Variants in AUTS2 observed in about 807,000 individuals in gnomAD.
AUTS2 encodes activator of transcription and developmental regulator AUTS2, also known as autism susceptibility gene 2 protein.
A neutral mutation model predicts 112.4 loss-of-function variants in AUTS2; 17 were observed. The ratio of observed to expected loss-of-function variants is 0.15; its 90% confidence interval spans 0.10 to 0.23. AUTS2 has a LOEUF of 0.23. AUTS2 is among the 10% of genes least tolerant of loss of function. AUTS2 has a pLI of 1.00. For synonymous variants in AUTS2, 751 were observed against 702.7 expected (o/e 1.07, Z -1.09); for missense variants, 1,510 against 1,701.6 (o/e 0.89, Z 1.98).
chr7:69,750,987 T>C (rs916819531), intron 1 of AUTS2, among the ~76,000 whole-genome samples: 1 of 152,034 alleles, frequency 6.6e-6, no homozygotes, highest in East Asian at 1.9e-4. Context: ...TAAGGAGGGA[T>C]AACAGCAAGC....
chr7:70,160,009 TCTTA>T (rs758539051), intron 4 of AUTS2, among the ~76,000 whole-genome samples: 19 of 152,256 alleles, frequency 1.2e-4, no homozygotes, highest in South Asian at 6.2e-4. Flanking sequence ...GTTTTAGAGC[TCTTA>T]CTTCTAGTTT....
intron 5 of AUTS2, among the ~76,000 whole-genome samples, chr7:70,504,559 G>GACC (rs1357879009): frequency 6.6e-6 from 1 of 150,924 alleles, no homozygotes; most frequent in Non-Finnish European, 1.5e-5. Flanking sequence ...GAAGGAAGGG[G>GACC]ACCGGCACCG....
rs200373158 is a variant in AUTS2, at chr7:69,670,555, C to CAAAAAAAAAAAAAA, written c.309+70616_309+70629dup. 5.0e-5 allele frequency among the ~76,000 whole-genome samples: 6 copies of CAAAAAAAAAAAAAA among 119,068 alleles called. 2 individuals are homozygous for CAAAAAAAAAAAAAA. The highest frequency in any genetic ancestry group is 2.0e-4 in the African/African-American group (6 of 30,024). 78.1% of individuals were successfully genotyped at this position (119,068 alleles called of 152,430 possible). A position where few individuals can be genotyped will look rare whatever the true frequency, so the allele number is the denominator to read the frequency against. On this transcript the variant is annotated intron_variant, in intron 1 of 18. Coordinates refer to ENST00000342771, the MANE Select transcript of AUTS2 (RefSeq NM_015570.4). ...CATGGTTGTTTTTTACTTGATCCCT[C>CAAAAAAAAAAAAAA]AAAAAAAAAAAAAAAAAAAAAAAAA...
chr7:70,542,567 A>G lies in AUTS2; in HGVS notation c.690+106786A>G, dbSNP rs576893527. On this transcript the variant is annotated intron_variant, in intron 5 of 18. Coordinates refer to ENST00000342771, the MANE Select transcript of AUTS2 (RefSeq NM_015570.4). ...CCAGGCACTGGCGCAGGCCAGCTAC[A>G]TGGCATTTCATCTCCTTAGCAGGCC... Among the ~76,000 whole-genome samples, 21 of 152,374 alleles carry G rather than the reference A, an allele frequency of 1.4e-4. No homozygotes were observed. The South Asian group carries it at 3.5e-3, about 26-fold the overall frequency.
intron 2 of AUTS2, among the ~76,000 whole-genome samples, chr7:70,064,435 A>G (rs1802395568): frequency 6.6e-6 from 1 of 152,224 alleles, no homozygotes; most frequent in Non-Finnish European, 1.5e-5. Context: ...AGTAGATAGT[A>G]TACAATGGCT....
chr7:70,436,607 T>G (rs1430683018), intron 5 of AUTS2: 1 of 152,276 alleles, frequency 6.6e-6, no homozygotes, highest in Non-Finnish European at 1.5e-5. Context: ...TCTGTATTGC[T>G]TGGTATCAAA....
intron 2 of AUTS2, among the ~76,000 whole-genome samples, chr7:70,069,744 A>G (rs1339050366): frequency 6.7e-6 from 1 of 149,664 alleles, no homozygotes; most frequent in Non-Finnish European, 1.5e-5. Context: ...CACCTTATTA[A>G]TGACTTGATT....
At chr7:70,606,583 A>G (rs1204416523) in intron 5 of AUTS2, among the ~76,000 whole-genome samples, 1 of 152,192 alleles carries the variant, frequency 6.6e-6, no homozygotes. Flanking sequence ...TCTTGGGGCC[A>G]GACGTGGTGG....
At chr7:70,240,998 G>A (rs1317433954) in intron 4 of AUTS2, among the ~76,000 whole-genome samples, 2 of 152,162 alleles carry the variant, frequency 1.3e-5, no homozygotes, top group African/African-American at 2.4e-5. Context: ...TATCTAACAA[G>A]GAACTCCATC....
intron 2 of AUTS2, among the ~76,000 whole-genome samples, chr7:69,958,726 T>A (rs1797314989): frequency 6.6e-6 from 1 of 152,154 alleles, no homozygotes; most frequent in South Asian, 2.1e-4. Flanking sequence ...AAGGCTGGTT[T>A]AACCGACTGC....
chr7:69,745,108 T>C (rs1756427703), intron 1 of AUTS2, among the ~76,000 whole-genome samples: 1 of 152,202 alleles, frequency 6.6e-6, no homozygotes, highest in South Asian at 2.1e-4. Flanking sequence ...CATTTCGCCT[T>C]TGCATTTTGG....
At chr7:70,533,159 G>A (rs1426972745) in intron 5 of AUTS2, among the ~76,000 whole-genome samples, 1 of 152,182 alleles carries the variant, frequency 6.6e-6, no homozygotes, top group Non-Finnish European at 1.5e-5. Flanking sequence ...GTCTCACTCT[G>A]TCACCCAGGC....
At chr7:70,236,570 C>G (rs1313209492) in intron 4 of AUTS2, among the ~76,000 whole-genome samples, 1 of 152,176 alleles carries the variant, frequency 6.6e-6, no homozygotes, top group Admixed American at 6.5e-5. Flanking sequence ...GGAACTAAAG[C>G]CGAAATGGAT....
In AUTS2 at chr7:69,599,745, G is replaced by GGGCCGGCGC; in HGVS notation, c.101_109dup (p.Ala34_Gly36dup). 2 of 1,355,920 alleles carry GGGCCGGCGC rather than the reference G, an allele frequency of 1.5e-6. No individual in the cohort carries two copies. The highest frequency in any genetic ancestry group is 1.9e-6 in the Non-Finnish European group (2 of 1,058,604). 84.0% of individuals were successfully genotyped at this position (1,355,920 alleles called of 1,614,324 possible). On this transcript the variant is annotated inframe_insertion, in exon 1 of 19. Transcript: ENST00000342771. The surrounding 1 kb of genome is among the most constrained non-coding windows in gnomAD (Gnocchi z 7.0). ...GAGAGGCGCTCCCGGGGCGGGCTGG[G>GGGCCGGCGC]GGCCGGCGCGGCCGGCGGCGGCGGG...
At chr7:70,780,333 T>C (rs1790987051) in intron 14 of AUTS2, among the ~76,000 whole-genome samples, 1 of 151,970 alleles carries the variant, frequency 6.6e-6, no homozygotes, top group East Asian at 1.9e-4. Flanking sequence ...CCTAAGAGGA[T>C]GGTAGGCGGA....
At chr7:70,231,757 TTTGTTTG>T (rs1562806069) in intron 4 of AUTS2, among the ~76,000 whole-genome samples, 10 of 78,170 alleles carry the variant, frequency 1.3e-4, no homozygotes, top group African/African-American at 2.8e-4. Context: ...ATGAGGTTTT[TTTGTTTG>T]TTTGTTTGTT....
rs1281769623 is a variant in AUTS2, at chr7:70,766,434, A to G, written c.1689+100A>G. On this transcript the variant is annotated intron_variant, in intron 9 of 18. Coordinates refer to ENST00000342771, the MANE Select transcript of AUTS2 (RefSeq NM_015570.4). The surrounding 1 kb of genome is among the most constrained non-coding windows in gnomAD (Gnocchi z 4.8). Reference sequence around the variant, plus strand: ...TGGGCAGCGGGGCCACCAGAGATCGAATGGGGACTGACGGCTGTTGGCTGG... The same window carrying G: ...TGGGCAGCGGGGCCACCAGAGATCGGATGGGGACTGACGGCTGTTGGCTGG... 1 of 1,423,092 alleles carries G rather than the reference A, an allele frequency of 7.0e-7. No individual in the cohort carries two copies. Among genetic ancestry groups the G allele is most frequent in the Non-Finnish European group, 9.7e-7 (1 of 1,033,860 alleles). The allele number at this position is 1,423,092 out of a possible 1,614,324, so 88.2% of individuals were successfully genotyped here.
chr7:70,459,746 G>C lies in AUTS2; in HGVS notation c.690+23965G>C, dbSNP rs2131180027. ...TTGCAGCTCAAAGGGGATGGGCCAGGGATTGGAATGTAGACCTGGGAGCTT... is the reference window on the plus strand; with the variant it reads ...TTGCAGCTCAAAGGGGATGGGCCAGCGATTGGAATGTAGACCTGGGAGCTT... On this transcript the variant is annotated intron_variant, in intron 5 of 18. Transcript: ENST00000342771. 2.0e-5 allele frequency among the ~76,000 whole-genome samples: 3 copies of C among 152,296 alleles called. No individual in the cohort carries two copies. In the South Asian group the frequency reaches 6.2e-4, roughly 32 times the overall value.
At chr7:70,308,666 G>C (rs1370861980) in intron 4 of AUTS2, among the ~76,000 whole-genome samples, 1 of 152,166 alleles carries the variant, frequency 6.6e-6, no homozygotes, top group Non-Finnish European at 1.5e-5. Flanking sequence ...TTAACATATA[G>C]TAAGTGCTCC....
Sources: gnomAD v4.1 joint callset for allele counts (sites outside exome capture counted in the v4.1 genomes callset) on GRCh38, gnomAD v4.1.1 for gene constraint, Gnocchi (gnomAD v3.1) non-coding constraint, MANE v1.5 for transcripts, NCBI Gene and HGNC (gene_info 2026-07-23, HGNC 2026-07-21) for gene names.